Variants in CRISP2 observed in about 807,000 individuals in gnomAD.
CRISP2 encodes cysteine rich secretory protein 2.
In CRISP2, 29 loss-of-function variants were observed where a neutral mutation model predicts 31.7. The ratio of observed to expected loss-of-function variants is 0.92; its 90% CI spans 0.68 to 1.25. The LOEUF is 1.25. Among genes scored for constraint, CRISP2 ranks in the 50% most tolerant of loss-of-function variants. The pLI, the probability that CRISP2 is intolerant of heterozygous loss-of-function variation, is 0.00. For synonymous variants in CRISP2, 111 were observed against 101.4 expected (o/e 1.09, Z -0.57); for missense variants, 318 against 286.5 (o/e 1.11, Z -0.79).
At position 49,692,699 on chromosome 6, in the gene CRISP2, A is replaced by G; in HGVS notation, c.*74T>C. The G allele has an allele frequency of 7.1e-7, 1 of 1,417,720 alleles. No homozygotes were observed. Among genetic ancestry groups the G allele is most frequent in the Non-Finnish European group, 9.5e-7 (1 of 1,048,700 alleles). 87.8% of individuals were successfully genotyped at this position (1,417,720 alleles called of 1,614,324 possible). ...CAAATTTGTCACTAACATACATACA[A>G]TTTCCACTGGTATGTCGCAATTAAA... is the stretch of plus-strand genomic sequence containing the variant. On this transcript the variant is annotated 3_prime_UTR_variant, in exon 10 of 10. Coordinates refer to ENST00000339139, the MANE Select transcript of CRISP2 (RefSeq NM_003296.4).
At chr6:49,679,164 A>G in the CRISP2 span, among the ~76,000 whole-genome samples, 3 of 152,188 alleles carry the variant, frequency 2.0e-5, no homozygotes, top group African/African-American at 7.2e-5. Context: ...TACTGTTGTC[A>G]TAAGTCATTT....
At chr6:49,703,610 T>G (rs1766490214) in intron 4 of CRISP2, among the ~76,000 whole-genome samples, 1 of 152,190 alleles carries the variant, frequency 6.6e-6, no homozygotes, top group South Asian at 2.1e-4. Flanking sequence ...CTTGATTTAA[T>G]TCTCATCTTG....
upstream of CRISP2, among the ~76,000 whole-genome samples, chr6:49,713,980 T>C (rs1768445763): frequency 6.6e-6 from 1 of 152,200 alleles, no homozygotes; most frequent in Non-Finnish European, 1.5e-5. Context: ...ACACAGGTTG[T>C]CAGTTTCAGG....
Position 49,700,717 on chromosome 6 carries a change from T to G in CRISP2, c.134A>C (p.Asn45Thr), listed in dbSNP as rs1260558477. Residue 45 changes from asparagine (N) to threonine (T), a missense_variant, in exon 5 of 10, where the codon AAT (asparagine) becomes ACT (threonine). Asn to Thr is a moderately conservative substitution (Grantham distance 65). Transcript: ENST00000339139. ...QVQREIVNKH[N>T]ELRKAVSPPA... Reference sequence around the variant, plus strand: ...TGGAGAGACTGCTTTCCTTAGTTCATTGTGTTTATTTACAATCTCCCTTTG... The same window carrying G: ...TGGAGAGACTGCTTTCCTTAGTTCAGTGTGTTTATTTACAATCTCCCTTTG... 3 of 1,612,832 alleles carry G rather than the reference T, an allele frequency of 1.9e-6. No homozygotes were observed. The Admixed American group carries it at 5.0e-5, about 27-fold the overall frequency.
chr6:49,693,512 T>C (rs1204133512), intron 9 of CRISP2, among the ~76,000 whole-genome samples: 1 of 152,148 alleles, frequency 6.6e-6, no homozygotes, highest in African/African-American at 2.4e-5. Flanking sequence ...TTTTGATGTT[T>C]CTACTTGGAT....
At chr6:49,683,663 CAAAAAAAAAAAAAAAAAAAA>C in the CRISP2 span, among the ~76,000 whole-genome samples, 4 of 18,512 alleles carry the variant, frequency 2.2e-4, no homozygotes, top group African/African-American at 6.0e-4. Flanking sequence ...GACTCCATTT[CAAAAAAAAAAAAAAAAAAAA>C]AAAAAAAAAA....
chr6:49,701,587 G>GTA (rs1247126411), intron 4 of CRISP2, among the ~76,000 whole-genome samples: 1 of 50,680 alleles, frequency 2.0e-5, no homozygotes, highest in Non-Finnish European at 3.9e-5. Flanking sequence ...ACGTGTGTGT[G>GTA]TATATATATA....
At chr6:49,709,553 C>A (rs948441539) in intron 3 of CRISP2, among the ~76,000 whole-genome samples, 1 of 152,200 alleles carries the variant, frequency 6.6e-6, no homozygotes, top group Non-Finnish European at 1.5e-5. Flanking sequence ...TACTGACATT[C>A]ATTCTTCATC....
downstream of CRISP2, among the ~76,000 whole-genome samples, chr6:49,690,143 T>C (rs1764003241): frequency 6.6e-6 from 1 of 152,142 alleles, no homozygotes; most frequent in Non-Finnish European, 1.5e-5. Context: ...TTGTCTCCTA[T>C]TTAGTCAATA....
At position 49,701,249 on chromosome 6, in the gene CRISP2, A is replaced by G. The variant is rs577022142; in HGVS notation, c.67-465T>C. Among the ~76,000 whole-genome samples the G allele has an allele frequency of 1.4e-3, 217 of 151,844 alleles. 1 individual carries two copies. The highest frequency in any genetic ancestry group is 6.8e-3 in the Middle Eastern group (2 of 294). On this transcript the variant is annotated intron_variant, in intron 4 of 9. Transcript: ENST00000339139. ...ACCCCAGCAGTGTACACTGTATCCA[A>G]TGTGTAGTCTTTTATCCCACGCCAC...
chr6:49,704,351 A>C (rs1307275400), intron 4 of CRISP2, among the ~76,000 whole-genome samples: 1 of 152,046 alleles, frequency 6.6e-6, no homozygotes, highest in Non-Finnish European at 1.5e-5. Flanking sequence ...TTCTTTTTCC[A>C]GCAATTCAGA....
At chr6:49,685,669 T>A in the CRISP2 span, among the ~76,000 whole-genome samples, 2 of 152,186 alleles carry the variant, frequency 1.3e-5, no homozygotes, top group Non-Finnish European at 2.9e-5. Flanking sequence ...CACAACTTTA[T>A]TGACTGGAGT....
chr6:49,680,592 T>C, the CRISP2 span, among the ~76,000 whole-genome samples: 1 of 152,208 alleles, frequency 6.6e-6, no homozygotes, highest in Non-Finnish European at 1.5e-5. Flanking sequence ...TCATCTACAA[T>C]GGCTGAACTA....
intron 8 of CRISP2, among the ~76,000 whole-genome samples, chr6:49,697,503 G>T (rs1225217253): frequency 6.6e-6 from 1 of 152,040 alleles, no homozygotes; most frequent in Non-Finnish European, 1.5e-5. Context: ...AATCTCACCA[G>T]CACCCTAAAG....
intron 9 of CRISP2, among the ~76,000 whole-genome samples, chr6:49,695,599 C>G (rs771838169): frequency 7.9e-5 from 12 of 152,124 alleles, no homozygotes; most frequent in Non-Finnish European, 1.2e-4. Flanking sequence ...CACAAAAACA[C>G]ATTGATGATA....
chr6:49,709,179 C>G lies in CRISP2; in HGVS notation c.18G>C (p.Val6=). The change falls in exon 4 of 10, where the codon GTG becomes GTC. Residue 6 remains valine (V), a synonymous_variant. Coordinates refer to ENST00000339139, the MANE Select transcript of CRISP2 (RefSeq NM_003296.4). MALLP[V]LFLVTVLLPS... ...GAAGCAGCACAGTAACCAGAAACAA[C>G]ACCGGTAGTAAAGCCATTGCTGGAA... 1 of 1,613,706 alleles carries G rather than the reference C, an allele frequency of 6.2e-7. No individual in the cohort carries two copies. The highest frequency in any genetic ancestry group is 1.1e-5 in the South Asian group (1 of 91,070).
At position 49,697,879 on chromosome 6, in the gene CRISP2, CAT is replaced by C. The variant is rs770858804; in HGVS notation, c.494_495del (p.Tyr165CysfsTer9). The C allele has an allele frequency of 1.2e-6, 2 of 1,612,000 alleles. No homozygotes were observed. The highest frequency in any genetic ancestry group is 1.7e-6 in the Non-Finnish European group (2 of 1,178,782). The stretch of plus-strand genomic sequence containing the variant: ...ACTTACGCAGGACAATATTGGCAAA[CAT>C]AGTAGTATTTTAGACTATCTTGATT... Reference protein sequence around the residue: ...CPNQDSLKYYYVCQYCPAGNN... With the variant: ...CPNQDSLKYYXVCQYCPAGNN... On this transcript the variant is annotated frameshift_variant, in exon 8 of 10. Coordinates refer to ENST00000339139, the MANE Select transcript of CRISP2 (RefSeq NM_003296.4). LOFTEE classifies it high-confidence loss of function.
chr6:49,707,178 G>A (rs535742053), intron 4 of CRISP2, among the ~76,000 whole-genome samples: 40 of 152,080 alleles, frequency 2.6e-4, no homozygotes, highest in Admixed American at 5.9e-4. Context: ...TAAACATATC[G>A]AGAATAAAAT....
intron 6 of CRISP2, 97 bp from the exon 7 acceptor site, chr6:49,698,604 T>C (rs1160769582): frequency 4.0e-6 from 5 of 1,259,856 alleles, no homozygotes; most frequent in Middle Eastern, 2.0e-4. Flanking sequence ...AAACCCAGGG[T>C]CCAGCAGATG....
Sources: gnomAD v4.1 joint callset for allele counts (sites outside exome capture counted in the v4.1 genomes callset) on GRCh38, gnomAD v4.1.1 for gene constraint, MANE v1.5 for transcripts, NCBI Gene and HGNC (gene_info 2026-07-23, HGNC 2026-07-21) for gene names.